PHF3: variants seen among roughly 807,000 people sequenced by gnomAD.
PHF3 encodes the protein PHD finger protein 3.
Under a neutral mutation model 178.4 loss-of-function variants are expected in PHF3, and 41 were observed. That is an observed-to-expected ratio of 0.23 (90% confidence interval 0.18 to 0.30). The LOEUF is 0.30. Ranked by LOEUF, PHF3 falls within the 10% of genes least tolerant of loss-of-function variation. PHF3 has a pLI of 1.00. For synonymous variants in PHF3, 842 were observed against 800.5 expected (o/e 1.05, Z -0.88); for missense variants, 2,346 against 2,398.1 (o/e 0.98, Z 0.45).
At chr6:63,661,706 A>G (rs1042374129) in intron 2 of PHF3, among the ~76,000 whole-genome samples, 1 of 152,196 alleles carries the variant, frequency 6.6e-6, no homozygotes, top group Admixed American at 6.5e-5. Context: ...AGATTTTTTA[A>G]TATATTGATA....
At chr6:63,646,243 T>C (rs1289115374) in intron 1 of PHF3, among the ~76,000 whole-genome samples, 1 of 152,176 alleles carries the variant, frequency 6.6e-6, no homozygotes, top group African/African-American at 2.4e-5. Context: ...ATGGACTATA[T>C]ACATAGTTTT....
chr6:63,661,583 A>G (rs1466464199), intron 2 of PHF3, among the ~76,000 whole-genome samples: 3 of 152,178 alleles, frequency 2.0e-5, no homozygotes, highest in Admixed American at 6.5e-5. Context: ...CCCTCAATAT[A>G]TATTCCAGTA....
chr6:63,694,664 A>T lies in PHF3; in HGVS notation c.2580A>T (p.Gly860=), dbSNP rs761430743. Reference sequence around the variant, plus strand: ...AGCTAGCTCCTCTTCGTAAGATGGGACAACCAGTTTTACCTCGGAGATCCT... The same window carrying T: ...AGCTAGCTCCTCTTCGTAAGATGGGTCAACCAGTTTTACCTCGGAGATCCT... ...KWQLAPLRKM[G]QPVLPRRSSE... The change falls in exon 6 of 16, where the codon GGA becomes GGT. Residue 860 remains glycine (G), a synonymous_variant. Transcript: ENST00000262043. The T allele has an allele frequency of 6.2e-7, 1 of 1,603,268 alleles. No homozygotes were observed. Among genetic ancestry groups the T allele is most frequent in the Non-Finnish European group, 8.5e-7 (1 of 1,174,134 alleles).
At chr6:63,660,988 A>G (rs1765443210) in intron 2 of PHF3, among the ~76,000 whole-genome samples, 1 of 152,138 alleles carries the variant, frequency 6.6e-6, no homozygotes, top group Non-Finnish European at 1.5e-5. Flanking sequence ...TTGCTGTGCC[A>G]TGGGTGACAG....
Position 63,714,097 on chromosome 6 carries a change from G to A in PHF3, c.*389G>A, listed in dbSNP as rs576614099. The A allele has an allele frequency of 1.9e-5, 3 of 157,288 alleles. No homozygotes were observed. In the South Asian group the frequency reaches 6.1e-4, roughly 32 times the overall value. The allele number at this position is 157,288 out of a possible 1,614,324, so 9.7% of individuals were successfully genotyped here. On this transcript the variant is annotated 3_prime_UTR_variant, in exon 16 of 16. Coordinates refer to ENST00000262043, the MANE Select transcript of PHF3 (RefSeq NM_001370348.2). ...ATAATGACTAATTTGGGAGTAATGTGTGCTCTGTAAGTTTGTTTTAAATTG... is the reference window on the plus strand; with the variant it reads ...ATAATGACTAATTTGGGAGTAATGTATGCTCTGTAAGTTTGTTTTAAATTG...
Position 63,717,797 on chromosome 6 carries a change from CTTATT to C in PHF3, c.*4093_*4097del, listed in dbSNP as rs1336803534. Among the ~76,000 whole-genome samples the C allele has an allele frequency of 8.6e-5, 13 of 152,032 alleles. No homozygotes were observed. In the East Asian group the frequency reaches 1.4e-3, roughly 16 times the overall value. On this transcript the variant is annotated 3_prime_UTR_variant, in exon 16 of 16. Coordinates refer to ENST00000262043, the MANE Select transcript of PHF3 (RefSeq NM_001370348.2). ...TAGCCCAAGCTGTCTTTTAAAACTC[CTTATT>C]TTAAGATAATTTTGTCCTCAAAGTA...
intron 10 of PHF3, among the ~76,000 whole-genome samples, chr6:63,702,853 C>G (rs1411714868): frequency 6.9e-6 from 1 of 145,888 alleles, no homozygotes; most frequent in East Asian, 2.0e-4. Flanking sequence ...AGTGTAGATT[C>G]CTGGAGTGCT....
In PHF3 at chr6:63,715,250, C is replaced by G. The variant is rs751039711; in HGVS notation, c.*1542C>G. 3 of 152,098 alleles carry G rather than the reference C, an allele frequency of 2.0e-5. No homozygotes were observed. The highest frequency in any genetic ancestry group is 4.4e-5 in the Non-Finnish European group (3 of 68,006). The allele number at this position is 152,098 out of a possible 1,614,324, so 9.4% of individuals were successfully genotyped here. Reference sequence around the variant, plus strand: ...CCCTATCCTTATCCTGTGAAACTTACTATCATAAGGTTCTAAAACAGAGAA... The same window carrying G: ...CCCTATCCTTATCCTGTGAAACTTAGTATCATAAGGTTCTAAAACAGAGAA... On this transcript the variant is annotated 3_prime_UTR_variant, in exon 16 of 16. Coordinates refer to ENST00000262043, the MANE Select transcript of PHF3 (RefSeq NM_001370348.2).
At chr6:63,698,677 A>C in intron 8 of PHF3, 72 bp downstream of exon 8, 1 of 1,032,022 alleles carries the variant, frequency 9.7e-7, no homozygotes, top group Non-Finnish European at 1.4e-6. Flanking sequence ...ATTGTAATAC[A>C]GTAGATCTAT....
At chr6:63,683,711 T>C (rs1215132760) in intron 3 of PHF3, among the ~76,000 whole-genome samples, 1 of 152,082 alleles carries the variant, frequency 6.6e-6, no homozygotes, top group Non-Finnish European at 1.5e-5. Context: ...CTGGAATATA[T>C]TTGGTTTTAT....
intron 8 of PHF3, among the ~76,000 whole-genome samples, chr6:63,700,008 T>C (rs1406527081): frequency 2.6e-5 from 4 of 152,192 alleles, no homozygotes; most frequent in Admixed American, 6.5e-5. Flanking sequence ...TTACATTGAG[T>C]AAAGCTCTTT....
At chr6:63,686,023 T>C (rs1766688574) in intron 4 of PHF3, 112 bp downstream of exon 4, 3 of 691,688 alleles carry the variant, frequency 4.3e-6, no homozygotes, top group Admixed American at 2.9e-5. Context: ...CACAGAGACC[T>C]GTGCAAAAAC....
At chr6:63,658,329 T>G (rs1765323313) in intron 2 of PHF3, among the ~76,000 whole-genome samples, 1 of 152,216 alleles carries the variant, frequency 6.6e-6, no homozygotes, top group Non-Finnish European at 1.5e-5. Context: ...TGTATTTAAA[T>G]CTTTCATTTG....
intron 2 of PHF3, among the ~76,000 whole-genome samples, chr6:63,657,012 G>GGAGT (rs1443592624): frequency 2.0e-5 from 3 of 152,220 alleles, no homozygotes; most frequent in African/African-American, 7.2e-5. Context: ...CTGGGCACTT[G>GGAGT]GTGGGCCTTT....
In PHF3 at chr6:63,707,451, G is replaced by A. The variant is rs1285892175; in HGVS notation, c.3711+575G>A. Among the ~76,000 whole-genome samples, 10 of 152,078 alleles carry A rather than the reference G, an allele frequency of 6.6e-5. No individual in the cohort carries two copies. The East Asian group carries it at 1.7e-3, about 26-fold the overall frequency. On this transcript the variant is annotated intron_variant, in intron 13 of 15. Coordinates refer to ENST00000262043, the MANE Select transcript of PHF3 (RefSeq NM_001370348.2). Reference sequence around the variant, plus strand: ...GGGAAATAGAAAGAAACTATTATGTGGTATTTATGGAAAATAAGCAGCAGT... The same window carrying A: ...GGGAAATAGAAAGAAACTATTATGTAGTATTTATGGAAAATAAGCAGCAGT...
At chr6:63,667,984 C>T (rs1765750211) in intron 2 of PHF3, among the ~76,000 whole-genome samples, 1 of 152,170 alleles carries the variant, frequency 6.6e-6, no homozygotes, top group Admixed American at 6.5e-5. Flanking sequence ...CTTGAGATGG[C>T]AAGTAATCTG....
chr6:63,683,304 G>A (rs1407904961), intron 3 of PHF3, among the ~76,000 whole-genome samples: 2 of 151,344 alleles, frequency 1.3e-5, no homozygotes, highest in African/African-American at 4.9e-5. Flanking sequence ...GGTTGTTTTT[G>A]TACTTACTGA....
At position 63,712,893 on chromosome 6, in the gene PHF3, AAC is replaced by A; in HGVS notation, c.5309_5310del (p.Thr1770MetfsTer8). The A allele has an allele frequency of 6.2e-7, 1 of 1,614,044 alleles. No individual in the cohort carries two copies. The highest frequency in any genetic ancestry group is 8.5e-7 in the Non-Finnish European group (1 of 1,179,964). On this transcript the variant is annotated frameshift_variant, in exon 16 of 16. Coordinates refer to ENST00000262043, the MANE Select transcript of PHF3 (RefSeq NM_001370348.2). LOFTEE classifies it high-confidence loss of function. ...AVATSHFEVG[N>X]TCPSEFPSKS... ...AGCGACATCTCATTTTGAAGTTGGAAACACATGTCCATCAGAATTTCCTTCTA... is the reference window on the plus strand; with the variant it reads ...AGCGACATCTCATTTTGAAGTTGGAAACATGTCCATCAGAATTTCCTTCTA...
intron 3 of PHF3, among the ~76,000 whole-genome samples, chr6:63,681,631 T>C (rs1766440504): frequency 6.6e-6 from 1 of 152,156 alleles, no homozygotes; most frequent in Non-Finnish European, 1.5e-5. Context: ...TGTAGTGTTC[T>C]ATTCATGTTT....
Sources: allele counts gnomAD v4.1 joint callset (sites outside exome capture counted in the v4.1 genomes callset), GRCh38; gene constraint gnomAD v4.1.1; transcripts MANE v1.5; gene names NCBI Gene and HGNC (gene_info 2026-07-23, HGNC 2026-07-21).